The following MAGI1 variants were observed in gnomAD, a reference collection of about 807,000 sequenced individuals.
MAGI1 encodes membrane-associated guanylate kinase, WW and PDZ domain-containing protein 1.
In MAGI1, 58 loss-of-function variants were observed where a neutral mutation model predicts 139.9. The ratio of observed to expected loss-of-function variants is 0.41; its 90% CI spans 0.34 to 0.52. The LOEUF (loss-of-function observed/expected upper bound fraction) is 0.52, where lower values mean the gene tolerates loss of function less well. MAGI1 is among the 20% of genes least tolerant of loss of function. The probability of loss-of-function intolerance (pLI) is 0.12; values close to 1 mark genes in which losing one functional copy is unlikely to be tolerated. For missense variants in MAGI1, 1,874 were observed against 1,901.6 expected, an observed-to-expected ratio of 0.99 and a Z score of 0.27; for synonymous variants, 812 against 737.9, an observed-to-expected ratio of 1.10 and a Z score of -1.63.
chr3:66,002,241 G>A (rs1395065216), intron 1 of MAGI1, among the ~76,000 whole-genome samples: 3 of 152,106 alleles, frequency 2.0e-5, no homozygotes, highest in East Asian at 1.9e-4. Flanking sequence ...AAAAAAACAC[G>A]TCTGGATGGG....
At chr3:65,752,361 G>T (rs2036223195) in intron 1 of MAGI1, among the ~76,000 whole-genome samples, 1 of 152,070 alleles carries the variant, frequency 6.6e-6, no homozygotes, top group Non-Finnish European at 1.5e-5. Flanking sequence ...TATAAGATGA[G>T]GAAATGCCTA....
chr3:65,683,859 T>G (rs963725121), intron 1 of MAGI1, among the ~76,000 whole-genome samples: 1 of 151,870 alleles, frequency 6.6e-6, no homozygotes, highest in Non-Finnish European at 1.5e-5. Context: ...AGATGTAAAA[T>G]AGTATAGCCA....
chr3:65,684,868 ATTT>A (rs761948943), intron 1 of MAGI1, among the ~76,000 whole-genome samples: 2 of 98,172 alleles, frequency 2.0e-5, no homozygotes, highest in African/African-American at 5.6e-5. Context: ...CACCTGGCTA[ATTT>A]TTTTTTTTTT....
intron 1 of MAGI1, among the ~76,000 whole-genome samples, chr3:66,025,760 T>C: frequency 6.6e-6 from 1 of 152,150 alleles, no homozygotes; most frequent in Non-Finnish European, 1.5e-5. Context: ...AACACATGTA[T>C]TTCTCTGGGG....
intron 1 of MAGI1, among the ~76,000 whole-genome samples, chr3:65,723,857 A>G (rs1425236221): frequency 1.3e-5 from 2 of 152,226 alleles, no homozygotes; most frequent in African/African-American, 4.8e-5. Flanking sequence ...AGCCTCAAGT[A>G]TTTAATCTTT....
chr3:65,976,554 C>T (rs2065276417), intron 1 of MAGI1, among the ~76,000 whole-genome samples: 1 of 152,142 alleles, frequency 6.6e-6, no homozygotes, highest in South Asian at 2.1e-4. Flanking sequence ...TCACTTGAAC[C>T]TGGGAGGCAG....
chr3:65,618,224 G>A (rs1172248611), intron 2 of MAGI1, among the ~76,000 whole-genome samples: 3 of 152,198 alleles, frequency 2.0e-5, no homozygotes, highest in African/African-American at 7.2e-5. Context: ...GGTTGGGAAT[G>A]TGACCAAAAC....
At chr3:65,928,390 T>C (rs1283372105) in intron 1 of MAGI1, among the ~76,000 whole-genome samples, 1 of 152,200 alleles carries the variant, frequency 6.6e-6, no homozygotes, top group Non-Finnish European at 1.5e-5. Context: ...AACAAGAATA[T>C]AAGAATGAAC....
intron 1 of MAGI1, among the ~76,000 whole-genome samples, chr3:65,816,564 C>A (rs184383517): frequency 2.1e-4 from 32 of 150,574 alleles, no homozygotes; most frequent in Non-Finnish European, 3.7e-4. Flanking sequence ...CTGTCCATAT[C>A]AATTATTTGA....
chr3:65,680,177 G>A (rs1027350659), intron 1 of MAGI1, among the ~76,000 whole-genome samples: 1 of 152,078 alleles, frequency 6.6e-6, no homozygotes, highest in Non-Finnish European at 1.5e-5. Flanking sequence ...TAGGTAGTAT[G>A]GGTCTAGCAT....
At chr3:65,676,160 C>T (rs900497050) in intron 1 of MAGI1, among the ~76,000 whole-genome samples, 19 of 152,228 alleles carry the variant, frequency 1.2e-4, no homozygotes, top group Middle Eastern at 3.4e-3. Context: ...TCTATATGGG[C>T]ACAATTACAA....
intron 15 of MAGI1, 83 bp from the exon 16 acceptor site, chr3:65,382,152 A>G (rs1943101787): frequency 2.6e-6 from 3 of 1,135,208 alleles, no homozygotes; most frequent in Non-Finnish European, 3.8e-6. Flanking sequence ...TCTGGGAACA[A>G]TTCATTCATT....
At chr3:66,011,307 C>T (rs778885093) in intron 1 of MAGI1, among the ~76,000 whole-genome samples, 2 of 152,034 alleles carry the variant, frequency 1.3e-5, no homozygotes, top group African/African-American at 2.4e-5. Flanking sequence ...AGTCCTAGAG[C>T]GACGAAAAGA....
rs561876454 is a variant in MAGI1, at chr3:65,406,810, T to C, written c.2168-5340A>G. 3.2e-4 allele frequency among the ~76,000 whole-genome samples: 48 copies of C among 149,722 alleles called. No homozygotes were observed. The East Asian group carries it at 9.1e-3, about 29-fold the overall frequency. ...AGTTATAGATCTCTCTCTCTCTATA[T>C]ATATATATCGAGGGGGAGAGAGACA... is the stretch of plus-strand genomic sequence containing the variant. On this transcript the variant is annotated intron_variant, in intron 12 of 22. Coordinates refer to ENST00000402939, the MANE Select transcript of MAGI1 (RefSeq NM_001033057.2).
chr3:65,407,882 G>C (rs1351412797), intron 12 of MAGI1, among the ~76,000 whole-genome samples: 2 of 152,196 alleles, frequency 1.3e-5, no homozygotes, highest in Non-Finnish European at 2.9e-5. Context: ...CCTTAGCGCA[G>C]TGCTAGATTA....
chr3:65,792,578 A>G (rs1200016193), intron 1 of MAGI1, among the ~76,000 whole-genome samples: 8 of 152,190 alleles, frequency 5.3e-5, no homozygotes, highest in Admixed American at 4.6e-4. Flanking sequence ...CTATAACAAT[A>G]TAATAAAAGT....
chr3:65,850,461 A>T (rs2059163585), intron 1 of MAGI1, among the ~76,000 whole-genome samples: 1 of 152,170 alleles, frequency 6.6e-6, no homozygotes, highest in Non-Finnish European at 1.5e-5. Flanking sequence ...GATATCCTTG[A>T]AGTGTCAAGA....
Position 65,470,398 on chromosome 3 carries a change from C to G in MAGI1, c.844G>C (p.Asp282His), listed in dbSNP as rs758842788. 6.2e-6 allele frequency: 10 copies of G among 1,613,700 alleles called. No homozygotes were observed. ...TATTGAGGGAACTTCTGAGAAGGGTCCGTGATGGGAGCAGCGATGATGCTA... is the reference window on the plus strand; with the variant it reads ...TATTGAGGGAACTTCTGAGAAGGGTGCGTGATGGGAGCAGCGATGATGCTA... Reference protein sequence around the residue: ...NSSIIAAPITDPSQKFPQYLP... With the variant: ...NSSIIAAPITHPSQKFPQYLP... Residue 282 changes from aspartate to histidine, a missense_variant, in exon 5 of 23, where the codon GAC (aspartate) becomes CAC (histidine). This residue lies in a region of MAGI1 where 648 missense variants were observed against 598.1 expected (regional missense o/e 1.08). Coordinates refer to ENST00000402939, the MANE Select transcript of MAGI1 (RefSeq NM_001033057.2).
chr3:65,382,100 T>C lies in MAGI1; in HGVS notation c.2509-31A>G, dbSNP rs770226919. The stretch of plus-strand genomic sequence containing the variant: ...GAGTAATTGAACGATGGATGAAACA[T>C]TGCTCTCCTATGTTTACTGTTACAT... On this transcript the variant is annotated intron_variant, in intron 15 of 22. Transcript: ENST00000402939. 10 of 1,539,450 alleles carry C rather than the reference T, an allele frequency of 6.5e-6. No homozygotes were observed. In the South Asian group the frequency reaches 9.4e-5, roughly 15 times the overall value.
Sources: allele counts gnomAD v4.1 joint callset (sites outside exome capture counted in the v4.1 genomes callset), GRCh38; gene constraint gnomAD v4.1.1; regional missense constraint gnomAD v4.1.1; transcripts MANE v1.5; gene names NCBI Gene and HGNC (gene_info 2026-07-23, HGNC 2026-07-21).